The following CLSTN2 variants were observed in gnomAD, a reference collection of about 807,000 sequenced individuals.
CLSTN2 encodes calsyntenin-2.
A neutral mutation model predicts 101.2 loss-of-function variants in CLSTN2; 48 were observed. The ratio of observed to expected loss-of-function variants is 0.47; its 90% CI spans 0.38 to 0.60. CLSTN2 has a LOEUF of 0.60. Ranked by LOEUF, CLSTN2 falls within the 20% of genes least tolerant of loss-of-function variation. The pLI, the probability that CLSTN2 is intolerant of heterozygous loss-of-function variation, is 0.00. For synonymous variants in CLSTN2, 481 were observed against 463.6 expected (o/e 1.04, Z -0.48); for missense variants, 1,160 against 1,238.2 (o/e 0.94, Z 0.95).
chr3:140,373,615 T>C (rs2087883432), intron 2 of CLSTN2, among the ~76,000 whole-genome samples: 1 of 152,186 alleles, frequency 6.6e-6, no homozygotes, highest in Non-Finnish European at 1.5e-5. Flanking sequence ...GAGAAAGAGC[T>C]CTCTAAGTGC....
chr3:140,216,222 C>A (rs932554871), intron 2 of CLSTN2, among the ~76,000 whole-genome samples: 1 of 152,192 alleles, frequency 6.6e-6, no homozygotes, highest in Non-Finnish European at 1.5e-5. Context: ...CCTCCCACCC[C>A]CATCCATGGA....
chr3:140,193,766 C>T (rs2010606147), intron 2 of CLSTN2, among the ~76,000 whole-genome samples: 1 of 151,954 alleles, frequency 6.6e-6, no homozygotes, highest in Admixed American at 6.6e-5. Context: ...GATTCCAATG[C>T]CATGAATGTT....
chr3:140,237,904 TACTC>T (rs1346574847), intron 2 of CLSTN2, among the ~76,000 whole-genome samples: 5 of 152,326 alleles, frequency 3.3e-5, no homozygotes, highest in African/African-American at 4.8e-5. Flanking sequence ...AGTTAACAAT[TACTC>T]AGTAATTTGA....
intron 2 of CLSTN2, among the ~76,000 whole-genome samples, chr3:140,356,689 C>T (rs1187971153): frequency 1.4e-5 from 2 of 139,694 alleles, no homozygotes; most frequent in East Asian, 2.1e-4. Flanking sequence ...ACCCAGGAAG[C>T]GGAGGTTGCA....
chr3:140,028,295 C>G (rs2007464027), intron 1 of CLSTN2, among the ~76,000 whole-genome samples: 1 of 152,202 alleles, frequency 6.6e-6, no homozygotes, highest in Non-Finnish European at 1.5e-5. Flanking sequence ...GAGGGGCACT[C>G]AGACACTCAG....
At position 140,401,767 on chromosome 3, in the gene CLSTN2, G is replaced by T. The variant is rs183271895; in HGVS notation, c.233-1862G>T. 2.5e-4 allele frequency among the ~76,000 whole-genome samples: 38 copies of T among 152,324 alleles called. No homozygotes were observed. The South Asian group carries it at 7.5e-3, about 30-fold the overall frequency. ...TCATATTGGCATTGATCTTGGGAGA[G>T]AATCAAAAAGCAGCTACTTTAGAGG... On this transcript the variant is annotated intron_variant, in intron 2 of 16. Transcript: ENST00000458420.
At chr3:140,156,972 C>T (rs1157591182) in intron 1 of CLSTN2, among the ~76,000 whole-genome samples, 1 of 152,216 alleles carries the variant, frequency 6.6e-6, no homozygotes, top group Non-Finnish European at 1.5e-5. Flanking sequence ...GAAGTAAAGG[C>T]TCTTTTGAAT....
At chr3:140,208,437 G>T (rs1342593100) in intron 2 of CLSTN2, among the ~76,000 whole-genome samples, 103 of 152,088 alleles carry the variant, frequency 6.8e-4, no homozygotes, top group Admixed American at 1.8e-3. Flanking sequence ...TTACAGTTAT[G>T]ATTAATTTTT....
At chr3:140,270,603 G>A (rs1258988625) in intron 2 of CLSTN2, among the ~76,000 whole-genome samples, 1 of 152,182 alleles carries the variant, frequency 6.6e-6, no homozygotes, top group African/African-American at 2.4e-5. Flanking sequence ...TATGAGCCTG[G>A]TTGTGTGTAG....
chr3:140,389,830 A>G (rs558551920), intron 2 of CLSTN2, among the ~76,000 whole-genome samples: 5 of 152,262 alleles, frequency 3.3e-5, no homozygotes, highest in African/African-American at 1.2e-4. Context: ...TTTGACTTGC[A>G]TGAGATGGTA....
chr3:140,157,411 T>A (rs2009973630), intron 1 of CLSTN2, among the ~76,000 whole-genome samples: 2 of 152,178 alleles, frequency 1.3e-5, no homozygotes, highest in Non-Finnish European at 2.9e-5. Context: ...CTGATCCAAT[T>A]TTGGAACTTG....
chr3:140,305,071 CTG>C (rs1553730001), intron 2 of CLSTN2, among the ~76,000 whole-genome samples: 32 of 150,892 alleles, frequency 2.1e-4, no homozygotes, highest in African/African-American at 6.6e-4. Context: ...CTCTCTCTCT[CTG>C]TCTCTCTTTC....
At chr3:140,316,617 G>A (rs2107920753) in intron 2 of CLSTN2, among the ~76,000 whole-genome samples, 1 of 152,146 alleles carries the variant, frequency 6.6e-6, no homozygotes, top group African/African-American at 2.4e-5. Context: ...AGTTTCTTAA[G>A]GCCAGGGATT....
At chr3:140,429,589 C>T (rs538764816) in intron 5 of CLSTN2, among the ~76,000 whole-genome samples, 1 of 152,092 alleles carries the variant, frequency 6.6e-6, no homozygotes, top group Non-Finnish European at 1.5e-5. Flanking sequence ...GGACAGGGGA[C>T]CACAGAGGCT....
Position 140,415,486 on chromosome 3 carries a change from C to CAAAAA in CLSTN2, c.638-5619_638-5615dup, listed in dbSNP as rs751616049. ...GAGGAACTCATATAACACAAAATAG[C>CAAAAA]AAAAAAAAAAAAAAAAAAAAAAAAC... On this transcript the variant is annotated intron_variant, in intron 4 of 16. Coordinates refer to ENST00000458420, the MANE Select transcript of CLSTN2 (RefSeq NM_022131.3). Among the ~76,000 whole-genome samples the CAAAAA allele has an allele frequency of 6.8e-3, 387 of 56,838 alleles. 4 individuals are homozygous for CAAAAA. Among genetic ancestry groups the CAAAAA allele is most frequent in the East Asian group, 0.015 (23 of 1,578 alleles). The allele number at this position is 56,838 out of a possible 152,430, so 37.3% of individuals were successfully genotyped here.
Position 140,572,019 on chromosome 3 carries a change from A to C in CLSTN2, c.*5766A>C, listed in dbSNP as rs747958629. The C allele has an allele frequency of 3.9e-5, 6 of 152,278 alleles. No homozygotes were observed. The highest frequency in any genetic ancestry group is 7.3e-5 in the Non-Finnish European group (5 of 68,110). The allele number at this position is 152,278 out of a possible 1,614,324, so 9.4% of individuals were successfully genotyped here. The stretch of plus-strand genomic sequence containing the variant: ...TCAGGCCCTGTGCCAGCAACAGGGG[A>C]AGGGAGGATGAACAAGGCATGTTTC... On this transcript the variant is annotated 3_prime_UTR_variant, in exon 17 of 17. Transcript: ENST00000458420.
Position 140,395,981 on chromosome 3 carries a change from G to C in CLSTN2, c.233-7648G>C, listed in dbSNP as rs112523087. Among the ~76,000 whole-genome samples, 670 of 152,338 alleles carry C rather than the reference G, an allele frequency of 4.4e-3. 5 individuals carry two copies. Among genetic ancestry groups the C allele is most frequent in the Non-Finnish European group, 7.0e-3 (476 of 68,032 alleles). ...CTATTTCCTCAAACCTGGAGGCAGAGACTTGGCCAGGTGTTCGCTCCAGGA... is the reference window on the plus strand; with the variant it reads ...CTATTTCCTCAAACCTGGAGGCAGACACTTGGCCAGGTGTTCGCTCCAGGA... On this transcript the variant is annotated intron_variant, in intron 2 of 16. Transcript: ENST00000458420.
intron 2 of CLSTN2, among the ~76,000 whole-genome samples, chr3:140,256,009 T>A (rs2086600815): frequency 2.0e-5 from 3 of 152,204 alleles, no homozygotes; most frequent in African/African-American, 7.2e-5. Context: ...GATTTTTGTG[T>A]GTATAAGCCA....
Position 139,949,928 on chromosome 3 carries a change from G to C in CLSTN2, c.109+14445G>C, listed in dbSNP as rs146582814. ...TCATTAAAAACAATTTGCAATTTGTGATATCAGATGCATGTGTGTGTAGAG... is the reference window on the plus strand; with the variant it reads ...TCATTAAAAACAATTTGCAATTTGTCATATCAGATGCATGTGTGTGTAGAG... On this transcript the variant is annotated intron_variant, in intron 1 of 16. Coordinates refer to ENST00000458420, the MANE Select transcript of CLSTN2 (RefSeq NM_022131.3). Among the ~76,000 whole-genome samples, 163 of 152,316 alleles carry C rather than the reference G, an allele frequency of 1.1e-3. 2 individuals carry two copies. The highest frequency in any genetic ancestry group is 3.5e-3 in the African/African-American group (147 of 41,564).
Sources: gnomAD v4.1 joint callset for allele counts (sites outside exome capture counted in the v4.1 genomes callset) on GRCh38, gnomAD v4.1.1 for gene constraint, MANE v1.5 for transcripts, NCBI Gene and HGNC (gene_info 2026-07-23, HGNC 2026-07-21) for gene names.